Variants in AFF2 observed in about 807,000 individuals in gnomAD.
The protein encoded by AFF2 is ALF transcription elongation factor 2.
A neutral mutation model predicts 76.9 loss-of-function variants in AFF2; 14 were observed. That is an observed-to-expected ratio of 0.18 (90% CI 0.12 to 0.28). The LOEUF is 0.28. Ranked by LOEUF, AFF2 falls within the 10% of genes least tolerant of loss-of-function variation. The pLI is 1.00. For missense variants in AFF2, 868 were observed against 1,001.1 expected, an observed-to-expected ratio of 0.87 and a Z score of 1.79; for synonymous variants, 398 against 366.7, an observed-to-expected ratio of 1.09 and a Z score of -0.98.
intron 12 of AFF2, among the ~76,000 whole-genome samples, chrX:148,961,429 T>A (rs1239397189): frequency 1.7e-4 from 19 of 112,672 alleles, no homozygotes; most frequent in African/African-American, 5.5e-4. Flanking sequence ...CAAAGCAATT[T>A]TTCAAATCCA....
chrX:148,593,468 T>G (rs1287843163), intron 1 of AFF2, among the ~76,000 whole-genome samples: 1 of 111,871 alleles, frequency 8.9e-6, no homozygotes, highest in African/African-American at 3.3e-5. Flanking sequence ...TCAGAATCAC[T>G]TGGATGGACC....
intron 3 of AFF2, among the ~76,000 whole-genome samples, chrX:148,796,647 A>C (rs986677076): frequency 8.9e-6 from 1 of 112,386 alleles, no homozygotes; most frequent in Non-Finnish European, 1.9e-5. Context: ...GTTGGTTCAC[A>C]TAAGATAAAA....
intron 9 of AFF2, among the ~76,000 whole-genome samples, chrX:148,949,118 C>G (rs1231999797): frequency 1.8e-5 from 2 of 110,758 alleles, no homozygotes; most frequent in Non-Finnish European, 1.9e-5. Context: ...CCTCTCCCCC[C>G]ATCCCCAACC....
At chrX:148,926,461 G>T (rs2071651938) in intron 9 of AFF2, among the ~76,000 whole-genome samples, 1 of 111,621 alleles carries the variant, frequency 9.0e-6, no homozygotes, top group Admixed American at 9.5e-5. Context: ...AATGACAGTG[G>T]CCGACTGATG....
chrX:148,854,307 A>G (rs781863898), intron 7 of AFF2, among the ~76,000 whole-genome samples: 1 of 111,925 alleles, frequency 8.9e-6, no homozygotes, highest in Non-Finnish European at 1.9e-5. Flanking sequence ...AAAAGATTAT[A>G]TCTTGATGGA....
Position 148,804,105 on chromosome X carries a change from A to G in AFF2, c.1042-5771A>G, listed in dbSNP as rs782498204. On this transcript the variant is annotated intron_variant, in intron 3 of 20. Transcript: ENST00000370460. ...AAGGACTTTTGAGAGAACTTAGCAT[A>G]CAAAGTGCTGATGGAGACTTAACAT... Among the ~76,000 whole-genome samples, 5 of 112,166 alleles carry G rather than the reference A, an allele frequency of 4.5e-5. No individual in the cohort carries two copies. The East Asian group carries it at 1.4e-3, about 32-fold the overall frequency.
rs782785406 is a variant in AFF2 at position 148,736,500 on chromosome X, A to G, written c.1042-73376A>G. On this transcript the variant is annotated intron_variant, in intron 3 of 20. Transcript: ENST00000370460. ...TTAATGATTTGTTTGAGTTCGTTGTAGATTCTGGATATTAGTCCTTTGTTA... is the reference window on the plus strand; with the variant it reads ...TTAATGATTTGTTTGAGTTCGTTGTGGATTCTGGATATTAGTCCTTTGTTA... Among the ~76,000 whole-genome samples, 22 of 110,166 alleles carry G rather than the reference A, an allele frequency of 2.0e-4. No homozygotes were observed. In the South Asian group the frequency reaches 7.8e-3, roughly 39 times the overall value.
chrX:148,871,080 T>G (rs1221509061), intron 7 of AFF2, among the ~76,000 whole-genome samples: 1 of 110,813 alleles, frequency 9.0e-6, no homozygotes, highest in African/African-American at 3.3e-5. Context: ...GGGGAGCGGG[T>G]GGGGGGCAGT....
chrX:148,887,986 T>C (rs1053237145), intron 8 of AFF2, among the ~76,000 whole-genome samples: 6 of 112,766 alleles, frequency 5.3e-5, no homozygotes, highest in Non-Finnish European at 9.4e-5. Flanking sequence ...GGATGCATAA[T>C]GTCTTTTTGT....
At chrX:148,689,883 G>T (rs1267233546) in intron 3 of AFF2, among the ~76,000 whole-genome samples, 1 of 112,057 alleles carries the variant, frequency 8.9e-6, no homozygotes, top group Non-Finnish European at 1.9e-5. Context: ...GAATCTATTA[G>T]TTATTTGCTT....
At chrX:148,815,275 T>C (rs1259928113) in intron 4 of AFF2, among the ~76,000 whole-genome samples, 2 of 112,015 alleles carry the variant, frequency 1.8e-5, no homozygotes, top group Non-Finnish European at 3.8e-5. Flanking sequence ...TGACTAGTTC[T>C]TACCTAATGG....
intron 9 of AFF2, among the ~76,000 whole-genome samples, chrX:148,942,984 A>G (rs1463134276): frequency 1.8e-5 from 2 of 111,424 alleles, no homozygotes; most frequent in African/African-American, 3.3e-5. Context: ...AGTGGAACCA[A>G]TAAGTGTTGA....
intron 3 of AFF2, among the ~76,000 whole-genome samples, chrX:148,682,866 A>G (rs2054564900): frequency 8.9e-6 from 1 of 112,048 alleles, no homozygotes; most frequent in Non-Finnish European, 1.9e-5. Context: ...TTACTTGGAT[A>G]GATAAATACC....
At chrX:148,557,876 C>T (rs782477960) in intron 1 of AFF2, among the ~76,000 whole-genome samples, 2 of 111,862 alleles carry the variant, frequency 1.8e-5, no homozygotes, top group Non-Finnish European at 3.8e-5. Context: ...TTTTTGAGAA[C>T]CTTAGAGACC....
chrX:148,749,086 T>C lies in AFF2; in HGVS notation c.1042-60790T>C, dbSNP rs139338767. ...ACTGTAAAAGCTGTGCTTCACAGAA[T>C]TTAAAAAGGGGAAACCCCAGTACAT... On this transcript the variant is annotated intron_variant, in intron 3 of 20. Coordinates refer to ENST00000370460, the MANE Select transcript of AFF2 (RefSeq NM_002025.4). Among the ~76,000 whole-genome samples, 4 of 111,696 alleles carry C rather than the reference T, an allele frequency of 3.6e-5. No homozygotes were observed. In the East Asian group the frequency reaches 1.1e-3, roughly 32 times the overall value.
intron 1 of AFF2, among the ~76,000 whole-genome samples, chrX:148,508,172 C>A (rs2052443844): frequency 8.9e-6 from 1 of 111,860 alleles, no homozygotes; most frequent in Admixed American, 9.5e-5. Flanking sequence ...TTACTTCCAT[C>A]CTATGGAGAA....
intron 1 of AFF2, among the ~76,000 whole-genome samples, chrX:148,649,502 A>G (rs1422533702): frequency 2.7e-5 from 3 of 112,524 alleles, no homozygotes; most frequent in Non-Finnish European, 5.6e-5. Flanking sequence ...CGCCAGAGAT[A>G]TGAGAATTAA....
chrX:148,740,168 G>A (rs920914310), intron 3 of AFF2, among the ~76,000 whole-genome samples: 1 of 111,367 alleles, frequency 9.0e-6, no homozygotes, highest in African/African-American at 3.3e-5. Context: ...GGTGTTCTTT[G>A]TGCTTCTTGT....
At chrX:148,848,972 T>G (rs1433840848) in intron 7 of AFF2, among the ~76,000 whole-genome samples, 1 of 111,681 alleles carries the variant, frequency 9.0e-6, no homozygotes, top group African/African-American at 3.3e-5. Flanking sequence ...AAGCTGTGAA[T>G]TAAAGGTAAT....
Sources: gnomAD v4.1 joint callset for allele counts (sites outside exome capture counted in the v4.1 genomes callset) on GRCh38, gnomAD v4.1.1 for gene constraint, MANE v1.5 for transcripts, NCBI Gene and HGNC (gene_info 2026-07-23, HGNC 2026-07-21) for gene names.